The following TNS1 variants were observed in gnomAD, a reference collection of about 807,000 sequenced individuals.
TNS1 encodes tensin-1.
TNS1 carries 62 observed loss-of-function variants against 168.6 expected under a neutral mutation model. The ratio of observed to expected loss-of-function variants is 0.37; its 90% CI spans 0.30 to 0.45. TNS1 has a LOEUF of 0.45. Ranked by LOEUF, TNS1 falls within the 20% of genes least tolerant of loss-of-function variation. The pLI is 1.00. For synonymous variants in TNS1, 934 were observed against 933.2 expected (o/e 1.00, Z -0.02); for missense variants, 2,240 against 2,339.4 (o/e 0.96, Z 0.88).
At chr2:218,016,387 C>T (rs897465791) in intron 1 of TNS1, among the ~76,000 whole-genome samples, 12 of 152,124 alleles carry the variant, frequency 7.9e-5, no homozygotes, top group African/African-American at 2.7e-4. Context: ...ATCAGGTCCC[C>T]GCCCACTTCA....
At chr2:218,007,444 G>A (rs1003963858), upstream of TNS1, among the ~76,000 whole-genome samples, 1 of 151,962 alleles carries the variant, frequency 6.6e-6, no homozygotes, top group Admixed American at 6.6e-5. Flanking sequence ...CATCTCCCAT[G>A]GATGGAGAAT....
chr2:217,974,894 C>T (rs1253193799), intron 3 of TNS1, among the ~76,000 whole-genome samples: 1 of 152,164 alleles, frequency 6.6e-6, no homozygotes, highest in Admixed American at 6.5e-5. Flanking sequence ...CAAGATGGCC[C>T]CCACTGATTC....
At chr2:217,909,239 G>A (rs973347895) in intron 4 of TNS1, among the ~76,000 whole-genome samples, 1 of 152,138 alleles carries the variant, frequency 6.6e-6, no homozygotes, top group Non-Finnish European at 1.5e-5. Flanking sequence ...TCTCAGAGCT[G>A]CTCTGGTCTC....
At chr2:217,906,267 C>T in intron 6 of TNS1, 68 bp downstream of exon 6, 1 of 652,502 alleles carries the variant, frequency 1.5e-6, no homozygotes, top group Non-Finnish European at 2.8e-6. Context: ...TATCCACCTC[C>T]CACCCCACCC....
chr2:218,007,885 T>A (rs796541031), upstream of TNS1, among the ~76,000 whole-genome samples: 39 of 152,246 alleles, frequency 2.6e-4, no homozygotes, highest in African/African-American at 9.4e-4. Context: ...TGGCATGAGA[T>A]GCATCAGCCC....
In TNS1 at chr2:217,850,481, G is replaced by C. The variant is rs1046302216; in HGVS notation, c.1430-1394C>G. 4.1e-6 allele frequency: 4 copies of C among 984,880 alleles called. No individual in the cohort carries two copies. The Admixed American group carries it at 1.8e-4, about 46-fold the overall frequency. 61.0% of individuals were successfully genotyped at this position (984,880 alleles called of 1,614,324 possible). Reference sequence around the variant, plus strand: ...GGAAAAAGTGAGCGCTGGGTGGCTCGGGGCCAAAGGGCTGACTCAGGAATG... The same window carrying C: ...GGAAAAAGTGAGCGCTGGGTGGCTCCGGGCCAAAGGGCTGACTCAGGAATG... On this transcript the variant is annotated intron_variant, in intron 18 of 32. Coordinates refer to ENST00000682258, the MANE Select transcript of TNS1 (RefSeq NM_001387777.1).
chr2:217,943,419 C>T (rs1179090534), intron 3 of TNS1, among the ~76,000 whole-genome samples: 3 of 152,162 alleles, frequency 2.0e-5, no homozygotes, highest in Non-Finnish European at 4.4e-5. Context: ...AGAAAAAATA[C>T]TCATCCCCCT....
chr2:218,024,327 T>C (rs1958834403), intron 1 of TNS1, among the ~76,000 whole-genome samples: 1 of 126,110 alleles, frequency 7.9e-6, no homozygotes, highest in African/African-American at 3.0e-5. Context: ...CACGGAATAC[T>C]ACCTCCAACA....
chr2:217,946,412 G>A (rs1549589), intron 3 of TNS1, among the ~76,000 whole-genome samples: 56,227 of 152,074 alleles, frequency 0.37, 13,314 homozygotes, highest in African/African-American at 0.68. Flanking sequence ...CTGACACATA[G>A]TAGAGTCTCA....
At chr2:218,001,272 T>C (rs1958558182) in intron 1 of TNS1, among the ~76,000 whole-genome samples, 1 of 152,130 alleles carries the variant, frequency 6.6e-6, no homozygotes, top group African/African-American at 2.4e-5. Context: ...CATAGGGCAC[T>C]CTACCTGCCA....
chr2:217,855,086 T>A (rs1947963821), intron 18 of TNS1, among the ~76,000 whole-genome samples: 1 of 152,090 alleles, frequency 6.6e-6, no homozygotes, highest in Non-Finnish European at 1.5e-5. Flanking sequence ...TTTTCCTCTC[T>A]CCATCCCCTG....
Position 217,804,152 on chromosome 2 carries a change from T to C in TNS1, c.*307A>G. Reference sequence around the variant, plus strand: ...TTCTCTTTTGAGGACATCCATCTTCTTAGGGGAGGGAGGGGGTGTTAGGTG... The same window carrying C: ...TTCTCTTTTGAGGACATCCATCTTCCTAGGGGAGGGAGGGGGTGTTAGGTG... On this transcript the variant is annotated 3_prime_UTR_variant, in exon 33 of 33. Coordinates refer to ENST00000682258, the MANE Select transcript of TNS1 (RefSeq NM_001387777.1). 3.5e-6 allele frequency: 1 copy of C among 289,776 alleles called. No homozygotes were observed. The highest frequency in any genetic ancestry group is 6.5e-6 in the Non-Finnish European group (1 of 153,882). The allele number at this position is 289,776 out of a possible 1,614,324, so 18.0% of individuals were successfully genotyped here. A position where few individuals can be genotyped will look rare whatever the true frequency, so the allele number is the denominator to read the frequency against.
intron 4 of TNS1, among the ~76,000 whole-genome samples, chr2:217,917,266 A>G (rs1955121340): frequency 6.6e-6 from 1 of 152,180 alleles, no homozygotes; most frequent in African/African-American, 2.4e-5. Context: ...CTAATCTGCC[A>G]GACATCGGGC....
At chr2:217,831,231 G>C (rs1283342958) in intron 22 of TNS1, among the ~76,000 whole-genome samples, 1 of 152,198 alleles carries the variant, frequency 6.6e-6, no homozygotes, top group Non-Finnish European at 1.5e-5. Flanking sequence ...CCTCAAGCTA[G>C]AGGAGGCTGG....
chr2:217,972,041 G>C (rs1261458746), intron 3 of TNS1, among the ~76,000 whole-genome samples: 1 of 152,190 alleles, frequency 6.6e-6, no homozygotes, highest in Non-Finnish European at 1.5e-5. Flanking sequence ...AGTAGGAGAA[G>C]GCCAGAAGAA....
chr2:217,961,841 C>CCAGTCTA (rs1362419236), intron 3 of TNS1, among the ~76,000 whole-genome samples: 1 of 152,156 alleles, frequency 6.6e-6, no homozygotes, highest in Non-Finnish European at 1.5e-5. Flanking sequence ...AAACACTACT[C>CCAGTCTA]CAGTCTACAG....
At chr2:217,915,610 T>C (rs952662150) in intron 4 of TNS1, among the ~76,000 whole-genome samples, 2 of 152,166 alleles carry the variant, frequency 1.3e-5, no homozygotes, top group Non-Finnish European at 2.9e-5. Context: ...ATCCCAAGCC[T>C]ACTGGCAAAC....
chr2:217,804,978 C>A (rs1203668760), intron 32 of TNS1, among the ~76,000 whole-genome samples: 1 of 142,612 alleles, frequency 7.0e-6, no homozygotes, highest in Non-Finnish European at 1.5e-5. Flanking sequence ...ACTGACTGTT[C>A]TTACACACAA....
upstream of TNS1, among the ~76,000 whole-genome samples, chr2:218,003,246 T>TCC (rs1329941765): frequency 2.3e-5 from 3 of 127,882 alleles, no homozygotes; most frequent in Admixed American, 2.6e-4. Context: ...CCAAGGCTCC[T>TCC]CAGTCTTCTG....
Sources: gnomAD v4.1 joint callset for allele counts (sites outside exome capture counted in the v4.1 genomes callset) on GRCh38, gnomAD v4.1.1 for gene constraint, MANE v1.5 for transcripts, NCBI Gene and HGNC (gene_info 2026-07-23, HGNC 2026-07-21) for gene names.